Variants in PPP1R21 observed in about 807,000 individuals in gnomAD.
PPP1R21 encodes KLRAQ motif containing 1.
In PPP1R21, 85 loss-of-function variants were observed where a neutral mutation model predicts 112.8. The observed-to-expected ratio is 0.75, with a 90% CI of 0.63 to 0.90. The LOEUF (loss-of-function observed/expected upper bound fraction) is 0.90. PPP1R21 is among the 40% of genes least tolerant of loss of function. The pLI is 0.00. For synonymous variants in PPP1R21, 381 were observed against 322.3 expected (o/e 1.18, Z -1.95); for missense variants, 1,199 against 901.5 (o/e 1.33, Z -4.23).
intron 13 of PPP1R21, among the ~76,000 whole-genome samples, chr2:48,482,506 G>T (rs1669061952): frequency 1.3e-5 from 2 of 152,084 alleles, no homozygotes; most frequent in African/African-American, 4.8e-5. Context: ...CAGTATCAAG[G>T]GTTGTTTTGA....
chr2:48,500,352 A>G (rs924064979), intron 17 of PPP1R21, among the ~76,000 whole-genome samples: 1 of 152,148 alleles, frequency 6.6e-6, no homozygotes, highest in African/African-American at 2.4e-5. Flanking sequence ...CATGCTAGCA[A>G]TTATTGAATC....
chr2:48,475,148 T>C (rs1572860083), intron 12 of PPP1R21, among the ~76,000 whole-genome samples: 1 of 150,096 alleles, frequency 6.7e-6, no homozygotes. Context: ...AGGTCAGGAG[T>C]TCAAGACCAT....
chr2:48,441,098 G>GT, intron 1 of PPP1R21, 88 bp downstream of exon 1: 1 of 908,254 alleles, frequency 1.1e-6, no homozygotes, highest in East Asian at 2.7e-5. Context: ...TAGGGGTACT[G>GT]CGGGAGGGGC....
chr2:48,496,934 T>G (rs1258437143), intron 16 of PPP1R21, among the ~76,000 whole-genome samples: 1 of 152,260 alleles, frequency 6.6e-6, no homozygotes, highest in African/African-American at 2.4e-5. Flanking sequence ...ATGGAAAGTC[T>G]GCACCCCTTC....
chr2:48,464,779 C>G (rs1668126370), intron 7 of PPP1R21, among the ~76,000 whole-genome samples, 158 bp from the exon 8 acceptor site: 1 of 151,982 alleles, frequency 6.6e-6, no homozygotes, highest in African/African-American at 2.4e-5. Flanking sequence ...TCTGAGAAAC[C>G]ACTGATTCTA....
chr2:48,491,089 T>C lies in PPP1R21; in HGVS notation c.1518T>C (p.Ser506=). 1 of 1,614,060 alleles carries C rather than the reference T, an allele frequency of 6.2e-7. No homozygotes were observed. ...ASLSYGPKAA[S]GFISPLSAEC... ...TGAGCTATGGACCTAAGGCAGCGAG[T>C]GGATTCATTAGTCCTCTTTCAGCTG... is the stretch of plus-strand genomic sequence containing the variant. Residue 506 remains serine (S), a synonymous_variant, in exon 15 of 22, where the codon AGT becomes AGC. Coordinates refer to ENST00000294952, the MANE Select transcript of PPP1R21 (RefSeq NM_001135629.3).
intron 20 of PPP1R21, among the ~76,000 whole-genome samples, chr2:48,510,451 C>T (rs538107274): frequency 6.6e-6 from 1 of 152,260 alleles, no homozygotes; most frequent in South Asian, 2.1e-4. Flanking sequence ...CCTTTTCTTT[C>T]CTGTTGCATA....
At position 48,514,778 on chromosome 2, in the gene PPP1R21, A is replaced by G. The variant is rs1367494105; in HGVS notation, c.*34A>G. On this transcript the variant is annotated 3_prime_UTR_variant, in exon 22 of 22. Coordinates refer to ENST00000294952, the MANE Select transcript of PPP1R21 (RefSeq NM_001135629.3). ...TAGCTGGTTGGCGACTGTTCTTTCC[A>G]GACCTGCTCCTGCTGCACAGAGCCG... The G allele has an allele frequency of 2.5e-6, 4 of 1,611,800 alleles. No individual in the cohort carries two copies. The Admixed American group carries it at 6.7e-5, about 27-fold the overall frequency.
intron 17 of PPP1R21, among the ~76,000 whole-genome samples, chr2:48,501,037 C>T (rs1263170001): frequency 6.6e-6 from 1 of 152,188 alleles, no homozygotes; most frequent in East Asian, 1.9e-4. Flanking sequence ...TAGTGTTCAC[C>T]AAAGGCAAGT....
chr2:48,510,270 T>G (rs965785007), intron 20 of PPP1R21, among the ~76,000 whole-genome samples, 157 bp downstream of exon 20: 5 of 152,250 alleles, frequency 3.3e-5, no homozygotes, highest in African/African-American at 1.2e-4. Context: ...ATCTTACTTA[T>G]GTTAGGCAAA....
intron 7 of PPP1R21, among the ~76,000 whole-genome samples, chr2:48,464,381 G>GT (rs1668108723): frequency 6.6e-6 from 1 of 152,120 alleles, no homozygotes; most frequent in South Asian, 2.1e-4. Context: ...TTAAGGAGGA[G>GT]TTTGAGGAGG....
intron 15 of PPP1R21, among the ~76,000 whole-genome samples, chr2:48,493,928 T>C (rs1222954460): frequency 6.6e-6 from 1 of 151,788 alleles, no homozygotes; most frequent in Non-Finnish European, 1.5e-5. Context: ...CATTGTATGT[T>C]GAAAATGTTG....
chr2:48,441,108 C>G (rs1016335832), intron 1 of PPP1R21, 98 bp downstream of exon 1: 8 of 816,140 alleles, frequency 9.8e-6, no homozygotes, highest in Middle Eastern at 2.4e-4. Flanking sequence ...GCGGGAGGGG[C>G]ACGCGAGCGC....
intron 18 of PPP1R21, among the ~76,000 whole-genome samples, chr2:48,506,061 C>CAA (rs1670359030): frequency 1.3e-5 from 2 of 152,138 alleles, no homozygotes; most frequent in Non-Finnish European, 1.5e-5. Context: ...TAGGTTTGCA[C>CAA]TTTTGAATTT....
At chr2:48,486,463 A>G (rs1357670569) in intron 13 of PPP1R21, among the ~76,000 whole-genome samples, 168 bp from the exon 14 acceptor site, 1 of 152,178 alleles carries the variant, frequency 6.6e-6, no homozygotes, top group Non-Finnish European at 1.5e-5. Context: ...CTTTCCATGT[A>G]GATTTGTGAC....
intron 7 of PPP1R21, among the ~76,000 whole-genome samples, chr2:48,462,517 A>G (rs1036609309): frequency 2.6e-5 from 4 of 152,160 alleles, no homozygotes; most frequent in African/African-American, 7.2e-5. Flanking sequence ...TTGGGCAGAG[A>G]TAAGGGTAAA....
At chr2:48,457,051 C>CA (rs550002926) in intron 3 of PPP1R21, among the ~76,000 whole-genome samples, 24,909 of 145,324 alleles carry the variant, frequency 0.17, 2,164 homozygotes, top group Admixed American at 0.23. Context: ...GACTCCCTCT[C>CA]AAAAAAAAAA....
In PPP1R21 at chr2:48,515,049, GAAC is replaced by G. The variant is rs1345760973; in HGVS notation, c.*308_*310del. The G allele has an allele frequency of 9.0e-6, 3 of 332,776 alleles. No homozygotes were observed. The highest frequency in any genetic ancestry group is 1.6e-5 in the Non-Finnish European group (3 of 185,468). The allele number at this position is 332,776 out of a possible 1,614,324, so 20.6% of individuals were successfully genotyped here. A position where few individuals can be genotyped will look rare whatever the true frequency, so the allele number is the denominator to read the frequency against. On this transcript the variant is annotated 3_prime_UTR_variant, in exon 22 of 22. Coordinates refer to ENST00000294952, the MANE Select transcript of PPP1R21 (RefSeq NM_001135629.3). ...ATTAGGTTTTAATTTCAGTATGTAAGAACAAATATTTTGTATACTTTCAAACTC... is the reference window on the plus strand; with the variant it reads ...ATTAGGTTTTAATTTCAGTATGTAAGAAATATTTTGTATACTTTCAAACTC...
chr2:48,469,375 T>TAGAGAG lies in PPP1R21; in HGVS notation c.898-1711_898-1710insGAGAGA, dbSNP rs1218059653. Among the ~76,000 whole-genome samples, 24 of 12,730 alleles carry TAGAGAG rather than the reference T, an allele frequency of 1.9e-3. 3 individuals are homozygous for TAGAGAG. Among genetic ancestry groups the TAGAGAG allele is most frequent in the African/African-American group, 8.8e-3 (17 of 1,938 alleles). The allele number at this position is 12,730 out of a possible 152,430, so 8.4% of individuals were successfully genotyped here. A position where few individuals can be genotyped will look rare whatever the true frequency, so the allele number is the denominator to read the frequency against. ...CATATATATATAGAGCATATATATA[T>TAGAGAG]ATAGCATATATATATAGAGCATATA... is the stretch of plus-strand genomic sequence containing the variant. On this transcript the variant is annotated intron_variant, in intron 9 of 21. Transcript: ENST00000294952.
Sources: gnomAD v4.1 joint callset for allele counts (sites outside exome capture counted in the v4.1 genomes callset) on GRCh38, gnomAD v4.1.1 for gene constraint, MANE v1.5 for transcripts, NCBI Gene and HGNC (gene_info 2026-07-23, HGNC 2026-07-21) for gene names.